ADRA1B: variants seen among roughly 807,000 people sequenced by gnomAD.
ADRA1B encodes adrenoceptor alpha 1B.
In ADRA1B, 17 loss-of-function variants were observed where a neutral mutation model predicts 17.9. The observed-to-expected ratio is 0.95, with a 90% CI of 0.65 to 1.42. The LOEUF is 1.42. Ranked by LOEUF, ADRA1B falls within the 40% of genes most tolerant of loss-of-function variation. The pLI, the probability that ADRA1B is intolerant of heterozygous loss-of-function variation, is 0.00. For synonymous variants in ADRA1B, 366 were observed against 327.6 expected (o/e 1.12, Z -1.27); for missense variants, 681 against 722.1 (o/e 0.94, Z 0.65).
At chr5:159,924,377 T>C (rs1754583034) in intron 1 of ADRA1B, among the ~76,000 whole-genome samples, 1 of 152,140 alleles carries the variant, frequency 6.6e-6, no homozygotes, top group South Asian at 2.1e-4. Flanking sequence ...TTTTCAAACT[T>C]TACTGAGTCT....
chr5:159,948,141 A>G, intron 1 of ADRA1B: 1 of 985,462 alleles, frequency 1.0e-6, no homozygotes, highest in Non-Finnish European at 1.2e-6. Context: ...AGTTCCCTGG[A>G]GTTAATCATA....
chr5:159,912,038 G>A (rs558061817), upstream of ADRA1B, among the ~76,000 whole-genome samples: 1 of 152,274 alleles, frequency 6.6e-6, no homozygotes. Flanking sequence ...GTTATCATTA[G>A]GATTAAATGA....
Position 159,916,893 on chromosome 5 carries a change from G to T in ADRA1B, c.-13G>T, listed in dbSNP as rs1202274249. On this transcript the variant is annotated 5_prime_UTR_variant, in exon 1 of 2. Transcript: ENST00000306675. ...CCCAATCATCCCCCTGGCTATGGAGGGCGGACTCTAAGATGAATCCCGACC... is the reference window on the plus strand; with the variant it reads ...CCCAATCATCCCCCTGGCTATGGAGTGCGGACTCTAAGATGAATCCCGACC... The T allele has an allele frequency of 1.3e-6, 2 of 1,598,126 alleles. No homozygotes were observed. The highest frequency in any genetic ancestry group is 2.3e-5 in the South Asian group (2 of 88,298).
At chr5:159,881,045 TTCTGTGTAG>T (rs1185722772) in intron 1 of ADRA1B, among the ~76,000 whole-genome samples, 1 of 152,074 alleles carries the variant, frequency 6.6e-6, no homozygotes, top group Non-Finnish European at 1.5e-5. Context: ...TTAATAAAAA[TTCTGTGTAG>T]TCCCAGCTAC....
intron 1 of ADRA1B, chr5:159,867,788 A>G (rs1753677458): frequency 6.6e-6 from 1 of 152,172 alleles, no homozygotes; most frequent in Non-Finnish European, 1.5e-5. Context: ...GTCATAATAG[A>G]GCTCCTGAGT....
At chr5:159,977,780 C>G (rs1490699533), downstream of ADRA1B, among the ~76,000 whole-genome samples, 3 of 152,094 alleles carry the variant, frequency 2.0e-5, no homozygotes, top group Admixed American at 6.5e-5. Context: ...TGCCCTTATT[C>G]CCTCTCTGAT....
At chr5:159,903,134 T>C (rs1754121847) in intron 1 of ADRA1B, among the ~76,000 whole-genome samples, 1 of 152,110 alleles carries the variant, frequency 6.6e-6, no homozygotes. Context: ...TACCATTCTC[T>C]AGTTTGGAAC....
chr5:159,982,996 T>A, the ADRA1B span, among the ~76,000 whole-genome samples: 2 of 152,200 alleles, frequency 1.3e-5, no homozygotes, highest in African/African-American at 4.8e-5. Flanking sequence ...TCTGACTCAA[T>A]CTGATGTGGA....
chr5:159,954,667 G>A lies in ADRA1B; in HGVS notation c.950-17212G>A, dbSNP rs113913252. Among the ~76,000 whole-genome samples the A allele has an allele frequency of 2.8e-3, 432 of 152,232 alleles. 3 individuals are homozygous for A. The highest frequency in any genetic ancestry group is 0.01 in the African/African-American group (420 of 41,520). ...TGTCCCTGCCCTACAACAGGAATCG[G>A]GGGACTCCAAGGGAGGATTTTGAAC... is the stretch of plus-strand genomic sequence containing the variant. On this transcript the variant is annotated intron_variant, in intron 1 of 1. Transcript: ENST00000306675.
chr5:159,892,445 C>T (rs543280201), intron 1 of ADRA1B, among the ~76,000 whole-genome samples: 65 of 152,280 alleles, frequency 4.3e-4, no homozygotes, highest in African/African-American at 1.4e-3. Context: ...GTATTAAGCC[C>T]AGCATCCACT....
chr5:159,919,327 G>A (rs189425369), intron 1 of ADRA1B, among the ~76,000 whole-genome samples: 77 of 152,220 alleles, frequency 5.1e-4, no homozygotes, highest in African/African-American at 1.6e-3. Flanking sequence ...AGGCTTGTTC[G>A]GTTTACAGTG....
intron 1 of ADRA1B, among the ~76,000 whole-genome samples, chr5:159,903,111 C>A (rs1373377613): frequency 6.6e-6 from 1 of 152,184 alleles, no homozygotes; most frequent in Non-Finnish European, 1.5e-5. Flanking sequence ...GCCTCAACAG[C>A]CCGGCAGGAC....
chr5:159,975,532 T>C (rs546352658), downstream of ADRA1B, among the ~76,000 whole-genome samples: 3 of 152,324 alleles, frequency 2.0e-5, no homozygotes, highest in African/African-American at 7.2e-5. Flanking sequence ...CCTTGGATAT[T>C]TGAAGCCACA....
At chr5:159,979,033 T>G in the ADRA1B span, among the ~76,000 whole-genome samples, 1 of 152,194 alleles carries the variant, frequency 6.6e-6, no homozygotes, top group East Asian at 1.9e-4. Flanking sequence ...GCTTGTACAG[T>G]CATTCAAAAT....
chr5:159,966,798 T>C (rs1409914370), intron 1 of ADRA1B, among the ~76,000 whole-genome samples: 2 of 152,192 alleles, frequency 1.3e-5, no homozygotes, highest in Admixed American at 1.3e-4. Flanking sequence ...CACCCAAATG[T>C]GCATGAAAAA....
chr5:159,900,003 TA>T (rs1235107802), intron 1 of ADRA1B, among the ~76,000 whole-genome samples: 25 of 152,364 alleles, frequency 1.6e-4, no homozygotes, highest in African/African-American at 5.3e-4. Context: ...ATAAAGGTGA[TA>T]TTTCCTTTCC....
intron 1 of ADRA1B, among the ~76,000 whole-genome samples, chr5:159,960,987 A>G (rs1296916911): frequency 6.6e-6 from 1 of 152,228 alleles, no homozygotes; most frequent in African/African-American, 2.4e-5. Context: ...AGAGGAGATG[A>G]GAATATAGAC....
chr5:159,885,749 G>A (rs1292803080), intron 1 of ADRA1B, among the ~76,000 whole-genome samples: 1 of 152,124 alleles, frequency 6.6e-6, no homozygotes, highest in Non-Finnish European at 1.5e-5. Flanking sequence ...TCTTTTTTAT[G>A]CCACTTTGAG....
At chr5:159,908,713 C>A (rs369386467) in intron 1 of ADRA1B, among the ~76,000 whole-genome samples, 27 of 152,174 alleles carry the variant, frequency 1.8e-4, no homozygotes, top group Non-Finnish European at 3.7e-4. Context: ...AAGTGTTGTT[C>A]GGAGAATTAA....
Sources: allele counts gnomAD v4.1 joint callset (sites outside exome capture counted in the v4.1 genomes callset), GRCh38; gene constraint gnomAD v4.1.1; transcripts MANE v1.5; gene names NCBI Gene and HGNC (gene_info 2026-07-23, HGNC 2026-07-21).